Variants in LYPLAL1 observed in about 807,000 individuals in gnomAD.
LYPLAL1 encodes the protein lysophospholipase like 1, also known as lysophospholipase-like protein 1.
LYPLAL1 carries 23 observed loss-of-function variants against 19.7 expected under a neutral mutation model. The observed-to-expected ratio is 1.17, with a 90% CI of 0.84 to 1.65. The LOEUF (loss-of-function observed/expected upper bound fraction) is 1.65, where lower values mean the gene tolerates loss of function less well. LYPLAL1 is among the 40% of genes most tolerant of loss of function. The pLI is 0.00. For synonymous variants in LYPLAL1, 119 were observed against 96.3 expected (o/e 1.24, Z -1.38); for missense variants, 355 against 279.4 (o/e 1.27, Z -1.93).
At chr1:219,327,900 C>T in the LYPLAL1 span, among the ~76,000 whole-genome samples, 1 of 152,132 alleles carries the variant, frequency 6.6e-6, no homozygotes, top group Non-Finnish European at 1.5e-5. Context: ...GAAACTGAGT[C>T]CATTAAACCT....
chr1:219,190,821 T>G (rs1255508029), intron 2 of LYPLAL1, among the ~76,000 whole-genome samples: 1 of 151,556 alleles, frequency 6.6e-6, no homozygotes, highest in South Asian at 2.1e-4. Flanking sequence ...ATTCCACTTA[T>G]GTGGAGTTTT....
the LYPLAL1 span, among the ~76,000 whole-genome samples, chr1:219,327,876 C>A: frequency 6.6e-6 from 1 of 152,132 alleles, no homozygotes; most frequent in Non-Finnish European, 1.5e-5. Context: ...ATTTTGAGAC[C>A]TCCCCAGCCA....
At chr1:219,399,385 C>A in the LYPLAL1 span, among the ~76,000 whole-genome samples, 3 of 152,156 alleles carry the variant, frequency 2.0e-5, no homozygotes, top group Non-Finnish European at 2.9e-5. Context: ...GGGTGTGGCT[C>A]TGTGCCAAAC....
chr1:219,411,853 A>C, the LYPLAL1 span: 1 of 166,486 alleles, frequency 6.0e-6, no homozygotes, highest in African/African-American at 2.4e-5. Context: ...ACTCACCGCC[A>C]GGGTCCGTGG....
chr1:219,209,357 T>A (rs1658819722), intron 3 of LYPLAL1, among the ~76,000 whole-genome samples: 1 of 152,138 alleles, frequency 6.6e-6, no homozygotes, highest in Admixed American at 6.6e-5. Flanking sequence ...AGTCCTATTT[T>A]AATAAATATC....
At chr1:219,201,973 C>T (rs1473102690) in intron 3 of LYPLAL1, among the ~76,000 whole-genome samples, 1 of 152,102 alleles carries the variant, frequency 6.6e-6, no homozygotes, top group African/African-American at 2.4e-5. Flanking sequence ...CTGAACCTCT[C>T]GTATGTATTT....
chr1:219,417,536 G>A, the LYPLAL1 span, among the ~76,000 whole-genome samples: 8 of 152,320 alleles, frequency 5.3e-5, no homozygotes, highest in South Asian at 4.2e-4. Flanking sequence ...TGTTATGGAT[G>A]AGAATTTGCA....
chr1:219,354,620 CAAAG>C, the LYPLAL1 span, among the ~76,000 whole-genome samples: 3 of 152,006 alleles, frequency 2.0e-5, no homozygotes, highest in African/African-American at 4.8e-5. Context: ...AAGCAAATAA[CAAAG>C]AAAGAAATGT....
the LYPLAL1 span, among the ~76,000 whole-genome samples, chr1:219,419,296 C>T: frequency 6.6e-6 from 1 of 152,190 alleles, no homozygotes; most frequent in Non-Finnish European, 1.5e-5. Flanking sequence ...GGTCCTCAAC[C>T]AATTCTACAG....
rs1657331512 is a variant in LYPLAL1 at position 219,193,184 on chromosome 1, T to C, written c.294T>C (p.Cys98=). Residue 98 remains cysteine (C), a synonymous_variant, in exon 3 of 5, where the codon TGT becomes TGC. Transcript: ENST00000366928. ...ACCTTGAATCAATTGATGTCATGTG[T>C]CAAGTGCTTACTGATTTGATTGATG... ...PEHLESIDVM[C]QVLTDLIDEE... 3.7e-6 allele frequency: 6 copies of C among 1,610,870 alleles called. No individual in the cohort carries two copies. Among genetic ancestry groups the C allele is most frequent in the Non-Finnish European group, 5.1e-6 (6 of 1,177,892 alleles).
At chr1:219,395,936 T>C in the LYPLAL1 span, among the ~76,000 whole-genome samples, 1 of 151,990 alleles carries the variant, frequency 6.6e-6, no homozygotes, top group East Asian at 1.9e-4. Context: ...ACCCCGTCTC[T>C]ACTAAAAATA....
At chr1:219,245,224 C>T in the LYPLAL1 span, among the ~76,000 whole-genome samples, 7 of 125,066 alleles carry the variant, frequency 5.6e-5, no homozygotes, top group Admixed American at 1.8e-4. Flanking sequence ...TTCCTTCCTT[C>T]CTTCCTTCCT....
downstream of LYPLAL1, among the ~76,000 whole-genome samples, chr1:219,215,927 A>G (rs543898758): frequency 6.6e-5 from 10 of 152,272 alleles, no homozygotes; most frequent in South Asian, 2.1e-3. Flanking sequence ...TAGAAGCTAA[A>G]TGATCCTTTA....
intron 3 of LYPLAL1, among the ~76,000 whole-genome samples, chr1:219,205,891 A>G (rs1572207529): frequency 6.6e-6 from 1 of 152,206 alleles, no homozygotes; most frequent in South Asian, 2.1e-4. Context: ...ACAGTTTTCC[A>G]TAGAGGAAAA....
chr1:219,388,504 A>AAG, the LYPLAL1 span, among the ~76,000 whole-genome samples: 1 of 152,116 alleles, frequency 6.6e-6, no homozygotes, highest in Non-Finnish European at 1.5e-5. Context: ...AAACTCTAAA[A>AAG]AGAGAGAGAG....
rs930372894 is a variant in LYPLAL1, at chr1:219,192,008, A to G, written c.192-1074A>G. Among the ~76,000 whole-genome samples, 11 of 151,612 alleles carry G rather than the reference A, an allele frequency of 7.3e-5. No homozygotes were observed. The South Asian group carries it at 1.5e-3, about 20-fold the overall frequency. ...TTTCCAAATATAACCTTGACGTTCAAGCCCCTTAAGTGGATGTCCATTTAT... is the reference window on the plus strand; with the variant it reads ...TTTCCAAATATAACCTTGACGTTCAGGCCCCTTAAGTGGATGTCCATTTAT... On this transcript the variant is annotated intron_variant, in intron 2 of 4. Coordinates refer to ENST00000366928, the MANE Select transcript of LYPLAL1 (RefSeq NM_138794.5).
At chr1:219,359,118 G>GA in the LYPLAL1 span, among the ~76,000 whole-genome samples, 2 of 152,088 alleles carry the variant, frequency 1.3e-5, no homozygotes, top group East Asian at 3.8e-4. Flanking sequence ...TTAAGAGTAT[G>GA]AAAAAAGCAA....
the LYPLAL1 span, among the ~76,000 whole-genome samples, chr1:219,387,281 T>A: frequency 6.6e-6 from 1 of 152,240 alleles, no homozygotes; most frequent in South Asian, 2.1e-4. Flanking sequence ...CTCATTTTTG[T>A]TAAAATAAAA....
chr1:219,364,813 T>C, the LYPLAL1 span, among the ~76,000 whole-genome samples: 2 of 152,146 alleles, frequency 1.3e-5, no homozygotes, highest in Admixed American at 6.6e-5. Flanking sequence ...TTCTAGATAA[T>C]CAGGATATCA....
Sources: allele counts gnomAD v4.1 joint callset (sites outside exome capture counted in the v4.1 genomes callset), GRCh38; gene constraint gnomAD v4.1.1; transcripts MANE v1.5; gene names NCBI Gene and HGNC (gene_info 2026-07-23, HGNC 2026-07-21).